GMNC: variants seen among roughly 807,000 people sequenced by gnomAD.
The protein encoded by GMNC is geminin coiled-coil domain containing, also known as geminin coiled-coil domain-containing protein 1.
A neutral mutation model predicts 33.6 loss-of-function variants in GMNC; 16 were observed. The ratio of observed to expected loss-of-function variants is 0.48; its 90% confidence interval spans 0.32 to 0.72. The LOEUF (loss-of-function observed/expected upper bound fraction) is 0.72, where lower values mean the gene tolerates loss of function less well. Ranked by LOEUF, GMNC falls within the 30% of genes least tolerant of loss-of-function variation. The pLI is 0.03. For synonymous variants in GMNC, 156 were observed against 147.3 expected, an observed-to-expected ratio of 1.06 and a Z score of -0.43; for missense variants, 393 against 388.9, an observed-to-expected ratio of 1.01 and a Z score of -0.09.
At position 190,859,009 on chromosome 3, in the gene GMNC, G is replaced by A. The variant is rs1737807525; in HGVS notation, c.186C>T (p.Phe62=). The change falls in exon 3 of 5, where the codon TTC becomes TTT. Residue 62 remains phenylalanine, a synonymous_variant. Transcript: ENST00000442080. ...CCGGAAGAGGAAAATTTGAGTCACTGAATGATTCTGTGAAAATACAAATAG... is the reference window on the plus strand; with the variant it reads ...CCGGAAGAGGAAAATTTGAGTCACTAAATGATTCTGTGAAAATACAAATAG... ...LQQAPQAQES[F]SDSNFPLPDL... The A allele has an allele frequency of 6.5e-7, 1 of 1,539,614 alleles. No individual in the cohort carries two copies. The highest frequency in any genetic ancestry group is 1.4e-5 in the African/African-American group (1 of 72,832).
At chr3:190,859,723 A>T in intron 2 of GMNC, 1 of 379,552 alleles carries the variant, frequency 2.6e-6, no homozygotes, top group Non-Finnish European at 5.2e-6. Context: ...ATCAATAAAA[A>T]ACTATGGTTG....
rs1350173933 is a variant in GMNC at position 190,860,825 on chromosome 3, C to A, written c.37G>T (p.Val13Leu). Residue 13 changes from valine (V) to leucine (L), a missense_variant, in exon 2 of 5, where the codon GTA becomes TTA. Transcript: ENST00000442080. ...GGGCAATTATAGCTCTGGCCTCCTA[C>A]AAAGTACTGGTCTTGGCAAGGCAGA... is the stretch of plus-strand genomic sequence containing the variant. ...TILPCQDQYF[V>L]GGQSYNCPYS... 5 of 1,550,608 alleles carry A rather than the reference C, an allele frequency of 3.2e-6. No homozygotes were observed. The highest frequency in any genetic ancestry group is 4.4e-6 in the Non-Finnish European group (5 of 1,146,686).
the GMNC span, among the ~76,000 whole-genome samples, chr3:190,845,508 C>CTTT: frequency 2.9e-4 from 36 of 125,790 alleles, no homozygotes; most frequent in Non-Finnish European, 4.1e-4. Flanking sequence ...ATTTTGAAAC[C>CTTT]TTTTTTTTTT....
chr3:190,854,781 G>A lies in GMNC; in HGVS notation c.*514C>T, dbSNP rs955064128. The A allele has an allele frequency of 5.8e-6, 1 of 173,822 alleles. No homozygotes were observed. Among genetic ancestry groups the A allele is most frequent in the African/African-American group, 2.4e-5 (1 of 41,806 alleles). The allele number at this position is 173,822 out of a possible 1,614,324, so 10.8% of individuals were successfully genotyped here. A position where few individuals can be genotyped will look rare whatever the true frequency, so the allele number is the denominator to read the frequency against. ...ACACACATCCACATTATGTCTTCAG[G>A]AGTAGTGGTGATGGGCAAAGACACT... On this transcript the variant is annotated 3_prime_UTR_variant, in exon 5 of 5. Transcript: ENST00000442080.
chr3:190,855,967 A>T (rs532584866), intron 4 of GMNC, 52 bp from the exon 5 acceptor site: 1 of 1,361,996 alleles, frequency 7.3e-7, no homozygotes, highest in African/African-American at 1.5e-5. Context: ...TTACTAGTTA[A>T]CTAAATTATT....
intron 4 of GMNC, among the ~76,000 whole-genome samples, chr3:190,856,356 T>C (rs1309824395): frequency 1.4e-5 from 2 of 140,210 alleles, no homozygotes; most frequent in Non-Finnish European, 3.1e-5. Context: ...TATTAATATA[T>C]ATTTATAAAT....
At position 190,855,434 on chromosome 3, in the gene GMNC, T is replaced by G. The variant is rs963181247; in HGVS notation, c.866A>C (p.Asn289Thr). Reference sequence around the variant, plus strand: ...TGTGGAAAATGCCATCTCTGTCTTGTTGGGTGACACATGAGCAGTATAGTA... The same window carrying G: ...TGTGGAAAATGCCATCTCTGTCTTGGTGGGTGACACATGAGCAGTATAGTA... ...LPYYTAHVSP[N>T]KTEMAFSTSL... is the part of the protein sequence containing the mutation. Residue 289 changes from asparagine (N) to threonine (T), a missense_variant, in exon 5 of 5, where the codon AAC becomes ACC. Physicochemically the swap from Asn to Thr is moderately conservative, Grantham distance 65. Transcript: ENST00000442080. 1.3e-6 allele frequency: 2 copies of G among 1,551,864 alleles called. No homozygotes were observed. Among genetic ancestry groups the G allele is most frequent in the East Asian group, 2.4e-5 (1 of 40,914 alleles).
chr3:190,855,750 G>T lies in GMNC; in HGVS notation c.550C>A (p.Pro184Thr). ...FANCEEQAGP[P>T]VDPWVLQTLG... ...GTTTGAAGGACCCAGGGATCCACAG[G>T]GGGCCCAGCTTGTTCTTCACAGTTA... The change falls in exon 5 of 5, where the codon CCT becomes ACT. Residue 184 changes from proline to threonine, a missense_variant. Transcript: ENST00000442080. 6.4e-7 allele frequency: 1 copy of T among 1,551,484 alleles called. No homozygotes were observed. Among genetic ancestry groups the T allele is most frequent in the South Asian group, 1.2e-5 (1 of 84,064 alleles).
At position 190,862,650 on chromosome 3, in the gene GMNC, C is replaced by A. The variant is rs547718309; in HGVS notation, c.-35G>T. On this transcript the variant is annotated 5_prime_UTR_variant, in exon 1 of 5. Coordinates refer to ENST00000442080, the MANE Select transcript of GMNC (RefSeq NM_001146686.3). This position sits in a 1 kb window ranked among gnomAD's most constrained non-coding sequence, Gnocchi z 4.5. The stretch of plus-strand genomic sequence containing the variant: ...GAAGAAAGCGCTGCAGAAACTGAGC[C>A]CACTCAATTTTTCAGTAAAACCAGT... The A allele has an allele frequency of 1.9e-5, 29 of 1,552,174 alleles. 1 individual carries two copies. In the South Asian group the frequency reaches 3.3e-4, roughly 18 times the overall value.
At chr3:190,845,603 G>A in the GMNC span, among the ~76,000 whole-genome samples, 1 of 144,618 alleles carries the variant, frequency 6.9e-6, no homozygotes, top group Admixed American at 7.2e-5. Flanking sequence ...TCCGCTTCCC[G>A]GGTTCAAGCG....
At chr3:190,845,557 T>G in the GMNC span, among the ~76,000 whole-genome samples, 2 of 141,640 alleles carry the variant, frequency 1.4e-5, no homozygotes, top group Non-Finnish European at 3.0e-5. Context: ...TCCCCCAGAC[T>G]GGAGTGCAGT....
At chr3:190,846,849 A>T in the GMNC span, among the ~76,000 whole-genome samples, 1 of 152,174 alleles carries the variant, frequency 6.6e-6, no homozygotes, top group African/African-American at 2.4e-5. Flanking sequence ...TTCTATTTTG[A>T]GGTAAACATC....
Position 190,862,336 on chromosome 3 carries a change from AAAGT to A in GMNC, c.3+273_3+276del, listed in dbSNP as rs1737888072. ...GCAGGTGGAGGGGGAAGTTGGGGAGAAAGTAAGGAAAGTAGTAATAACAGAAAGA... is the reference window on the plus strand; with the variant it reads ...GCAGGTGGAGGGGGAAGTTGGGGAGAAAGGAAAGTAGTAATAACAGAAAGA... On this transcript the variant is annotated intron_variant, in intron 1 of 4. Coordinates refer to ENST00000442080, the MANE Select transcript of GMNC (RefSeq NM_001146686.3). This position sits in a 1 kb window ranked among gnomAD's most constrained non-coding sequence, Gnocchi z 4.5. Among the ~76,000 whole-genome samples, 2 of 146,222 alleles carry A rather than the reference AAAGT, an allele frequency of 1.4e-5. No homozygotes were observed. The highest frequency in any genetic ancestry group is 1.4e-4 in the Admixed American group (2 of 14,654).
At chr3:190,858,624 G>A (rs1366363653) in intron 3 of GMNC, among the ~76,000 whole-genome samples, 6 of 152,126 alleles carry the variant, frequency 3.9e-5, no homozygotes, top group African/African-American at 7.2e-5. Flanking sequence ...CTTTTCAAAC[G>A]CTCTCTGAGA....
At chr3:190,857,601 G>T (rs958990648) in intron 4 of GMNC, among the ~76,000 whole-genome samples, 182 bp downstream of exon 4, 1 of 152,096 alleles carries the variant, frequency 6.6e-6, no homozygotes, top group African/African-American at 2.4e-5. Context: ...TGCAATCTAG[G>T]TACTTCAGAG....
intron 4 of GMNC, among the ~76,000 whole-genome samples, chr3:190,856,380 TATATTTATAA>T (rs1322802762): frequency 7.0e-6 from 1 of 142,146 alleles, no homozygotes; most frequent in African/African-American, 2.6e-5. Context: ...TAGAAATAGA[TATATTTATAA>T]ATATTTATAT....
rs1255585317 is a variant in GMNC, at chr3:190,862,322, G to A, written c.3+291C>T. On this transcript the variant is annotated intron_variant, in intron 1 of 4. Transcript: ENST00000442080. This position sits in a 1 kb window ranked among gnomAD's most constrained non-coding sequence, Gnocchi z 4.5. Reference sequence around the variant, plus strand: ...AATGAAAAGTGAGTGCAGGTGGAGGGGGAAGTTGGGGAGAAAGTAAGGAAA... The same window carrying A: ...AATGAAAAGTGAGTGCAGGTGGAGGAGGAAGTTGGGGAGAAAGTAAGGAAA... Among the ~76,000 whole-genome samples the A allele has an allele frequency of 6.7e-6, 1 of 149,830 alleles. No individual in the cohort carries two copies. The highest frequency in any genetic ancestry group is 1.5e-5 in the Non-Finnish European group (1 of 67,124).
At position 190,861,429 on chromosome 3, in the gene GMNC, A is replaced by G. The variant is rs750933903; in HGVS notation, c.4-571T>C. On this transcript the variant is annotated intron_variant, in intron 1 of 4. Coordinates refer to ENST00000442080, the MANE Select transcript of GMNC (RefSeq NM_001146686.3). This position sits in a 1 kb window ranked among gnomAD's most constrained non-coding sequence, Gnocchi z 5.1. ...CTGCTGGCTCATAGTCCATCAATCTATCTGTCTGTCTGTCTGTCTGCCTAT... is the reference window on the plus strand; with the variant it reads ...CTGCTGGCTCATAGTCCATCAATCTGTCTGTCTGTCTGTCTGTCTGCCTAT... Among the ~76,000 whole-genome samples the G allele has an allele frequency of 3.3e-5, 5 of 150,896 alleles. No individual in the cohort carries two copies. Among genetic ancestry groups the G allele is most frequent in the African/African-American group, 1.2e-4 (5 of 41,166 alleles).
rs1464214110 is a variant in GMNC, at chr3:190,862,364, G to GAC, written c.3+248_3+249insGT. Among the ~76,000 whole-genome samples the GAC allele has an allele frequency of 6.0e-5, 9 of 150,224 alleles. No individual in the cohort carries two copies. The highest frequency in any genetic ancestry group is 3.9e-4 in the East Asian group (2 of 5,154). On this transcript the variant is annotated intron_variant, in intron 1 of 4. Transcript: ENST00000442080. The surrounding 1 kb of genome is among the most constrained non-coding windows in gnomAD (Gnocchi z 4.5). The stretch of plus-strand genomic sequence containing the variant: ...GTAAGGAAAGTAGTAATAACAGAAA[G>GAC]AGAGAGAGAGGGCGAGAGAGAGAAA...
Sources: gnomAD v4.1 joint callset for allele counts (sites outside exome capture counted in the v4.1 genomes callset) on GRCh38, gnomAD v4.1.1 for gene constraint, Gnocchi (gnomAD v3.1) non-coding constraint, MANE v1.5 for transcripts, NCBI Gene and HGNC (gene_info 2026-07-23, HGNC 2026-07-21) for gene names.